Variants in NHSL2 observed in about 807,000 individuals in gnomAD.
The protein encoded by NHSL2 is NHS-like protein 2.
Under a neutral mutation model 53.4 loss-of-function variants are expected in NHSL2, and 27 were observed. The ratio of observed to expected loss-of-function variants is 0.51; its 90% CI spans 0.37 to 0.70. The LOEUF (loss-of-function observed/expected upper bound fraction) is 0.70. Among genes scored for constraint, NHSL2 ranks in the 30% least tolerant of loss-of-function variants. The pLI is 0.00. For synonymous variants in NHSL2, 408 were observed against 404.1 expected (o/e 1.01, Z -0.12); for missense variants, 892 against 980.1 (o/e 0.91, Z 1.20).
intron 1 of NHSL2, among the ~76,000 whole-genome samples, chrX:71,935,961 C>G (rs761126967): frequency 2.7e-5 from 3 of 112,269 alleles, no homozygotes; most frequent in Non-Finnish European, 5.6e-5. Flanking sequence ...CTTCCCACCA[C>G]CATTATCTGT....
chrX:72,086,470 G>A (rs965470667), intron 1 of NHSL2, among the ~76,000 whole-genome samples: 6 of 111,459 alleles, frequency 5.4e-5, no homozygotes, highest in African/African-American at 1.6e-4. Flanking sequence ...GATCACTTGA[G>A]GTCAAGAGTT....
chrX:72,064,280 CT>C (rs2042414915), intron 1 of NHSL2, among the ~76,000 whole-genome samples: 1 of 111,624 alleles, frequency 9.0e-6, no homozygotes, highest in Non-Finnish European at 1.9e-5. Flanking sequence ...TTAGAATTCA[CT>C]TTTCCTTATG....
chrX:71,996,377 T>G, intron 1 of NHSL2, among the ~76,000 whole-genome samples: 1 of 112,898 alleles, frequency 8.9e-6, no homozygotes, highest in East Asian at 2.8e-4. Flanking sequence ...AGGCCAGCTG[T>G]GCTCCCTGCA....
intron 1 of NHSL2, among the ~76,000 whole-genome samples, chrX:72,112,459 T>C (rs998391437): frequency 8.9e-6 from 1 of 112,159 alleles, no homozygotes; most frequent in Non-Finnish European, 1.9e-5. Flanking sequence ...ATTTTTATTA[T>C]GCCAAAAAGG....
chrX:72,065,570 A>C (rs1316771806), intron 1 of NHSL2, among the ~76,000 whole-genome samples: 1 of 111,465 alleles, frequency 9.0e-6, no homozygotes, highest in Non-Finnish European at 1.9e-5. Flanking sequence ...AACAGCAGGT[A>C]GAGGCGGTGA....
At chrX:71,964,575 A>C (rs998470293) in intron 1 of NHSL2, among the ~76,000 whole-genome samples, 3 of 111,446 alleles carry the variant, frequency 2.7e-5, no homozygotes, top group Non-Finnish European at 5.7e-5. Context: ...AATTGTTCCA[A>C]AAACTGGTCC....
At chrX:71,938,817 C>CCT (rs2041751957) in intron 1 of NHSL2, among the ~76,000 whole-genome samples, 1 of 112,689 alleles carries the variant, frequency 8.9e-6, no homozygotes, top group African/African-American at 3.2e-5. Context: ...GAGCACAGGA[C>CCT]CTGTTCCAGG....
At chrX:72,101,619 G>A (rs764851165) in intron 1 of NHSL2, among the ~76,000 whole-genome samples, 8 of 110,410 alleles carry the variant, frequency 7.2e-5, no homozygotes, top group South Asian at 3.9e-4. Flanking sequence ...TGGTGGAGCC[G>A]AGGGTTCAGA....
chrX:71,983,914 A>G (rs950300111), intron 1 of NHSL2, among the ~76,000 whole-genome samples: 4 of 111,377 alleles, frequency 3.6e-5, no homozygotes, highest in African/African-American at 1.3e-4. Context: ...TTTATCAGCA[A>G]GGGCTTTATG....
At chrX:71,925,271 C>T (rs369472154) in intron 1 of NHSL2, among the ~76,000 whole-genome samples, 1 of 111,456 alleles carries the variant, frequency 9.0e-6, no homozygotes, top group African/African-American at 3.3e-5. Flanking sequence ...GCTGATGCCT[C>T]TTGTCTTAAG....
At chrX:71,923,289 A>C (rs779134727) in intron 1 of NHSL2, among the ~76,000 whole-genome samples, 1 of 112,018 alleles carries the variant, frequency 8.9e-6, no homozygotes, top group Admixed American at 9.4e-5. Flanking sequence ...TGGGAACAGC[A>C]ATTAGAAAAA....
At chrX:72,100,724 T>G (rs1381285249) in intron 1 of NHSL2, among the ~76,000 whole-genome samples, 1 of 112,452 alleles carries the variant, frequency 8.9e-6, no homozygotes, top group East Asian at 2.8e-4. Context: ...TGCCTGATGA[T>G]CTGAGGTGGA....
intron 1 of NHSL2, among the ~76,000 whole-genome samples, chrX:72,072,513 T>C (rs953694783): frequency 8.9e-6 from 1 of 111,899 alleles, no homozygotes; most frequent in Non-Finnish European, 1.9e-5. Flanking sequence ...TCCAGCCATA[T>C]TGAATGAGTT....
At chrX:72,068,548 C>A (rs890375516) in intron 1 of NHSL2, among the ~76,000 whole-genome samples, 2 of 112,600 alleles carry the variant, frequency 1.8e-5, no homozygotes, top group African/African-American at 6.5e-5. Flanking sequence ...CACAGCCAGG[C>A]TGCTGGGGCT....
chrX:71,941,777 A>G (rs1049137290), intron 1 of NHSL2, among the ~76,000 whole-genome samples: 1 of 112,206 alleles, frequency 8.9e-6, no homozygotes, highest in African/African-American at 3.2e-5. Flanking sequence ...CTCCATCACC[A>G]TTGAATAAAC....
rs2042468959 is a variant in NHSL2, at chrX:72,146,950, A to G, written c.*3376A>G. 8.9e-6 allele frequency: 1 copy of G among 111,897 alleles called. No homozygotes were observed. Among genetic ancestry groups the G allele is most frequent in the Non-Finnish European group, 1.9e-5 (1 of 53,203 alleles). The allele number at this position is 111,897 out of a possible 1,213,427, so 9.2% of individuals were successfully genotyped here. A position where few individuals can be genotyped will look rare whatever the true frequency, so the allele number is the denominator to read the frequency against. ...AACAGGAAGCAAAATAATTAATGTTAGCTTAATGACCACAAACTGACCAGT... is the reference window on the plus strand; with the variant it reads ...AACAGGAAGCAAAATAATTAATGTTGGCTTAATGACCACAAACTGACCAGT... On this transcript the variant is annotated 3_prime_UTR_variant, in exon 8 of 8. Transcript: ENST00000633930.
chrX:72,023,271 G>C (rs1318714643), intron 1 of NHSL2, among the ~76,000 whole-genome samples: 1 of 112,614 alleles, frequency 8.9e-6, no homozygotes, highest in Non-Finnish European at 1.9e-5. Flanking sequence ...GTGTGAAAAT[G>C]GTTGGGGAAC....
Position 72,139,509 on chromosome X carries a change from G to T in NHSL2, c.1961G>T (p.Ser654Ile). 1 of 1,211,319 alleles carries T rather than the reference G, an allele frequency of 8.3e-7. No individual in the cohort carries two copies. Among genetic ancestry groups the T allele is most frequent in the Non-Finnish European group, 1.1e-6 (1 of 895,100 alleles). Residue 654 changes from serine to isoleucine, a missense_variant, in exon 6 of 8, where the codon AGC (serine) becomes ATC (isoleucine). Physicochemically the swap from Ser to Ile is moderately radical, Grantham distance 142 (BLOSUM62 -2). Coordinates refer to ENST00000633930, the MANE Select transcript of NHSL2 (RefSeq NM_001013627.3). ...KSGDTYQSLS[S>I]SSTATGTTVI... is the part of the protein sequence containing the mutation. The stretch of plus-strand genomic sequence containing the variant: ...GGTGACACCTACCAATCCCTGTCCA[G>T]CTCCAGCACTGCCACTGGCACCACA...
chrX:72,054,745 C>G (rs1203064874), intron 1 of NHSL2, among the ~76,000 whole-genome samples: 1 of 111,501 alleles, frequency 9.0e-6, no homozygotes, highest in Non-Finnish European at 1.9e-5. Context: ...TGCCTCCTCC[C>G]AGACCAAATA....
Sources: gnomAD v4.1 joint callset for allele counts (sites outside exome capture counted in the v4.1 genomes callset) on GRCh38, gnomAD v4.1.1 for gene constraint, MANE v1.5 for transcripts, NCBI Gene and HGNC (gene_info 2026-07-23, HGNC 2026-07-21) for gene names.